SPMIP2: variants seen among roughly 807,000 people sequenced by gnomAD.
SPMIP2 encodes the protein sperm microtubule inner protein 2, also known as protein SPMIP2.
the SPMIP2 span, among the ~76,000 whole-genome samples, chr4:158,997,006 C>T: frequency 6.6e-6 from 1 of 152,094 alleles, no homozygotes; most frequent in African/African-American, 2.4e-5. Context: ...GAAGAGTGTG[C>T]TGGCCTCTGG....
the SPMIP2 span, among the ~76,000 whole-genome samples, chr4:159,004,593 G>A: frequency 6.6e-6 from 1 of 151,896 alleles, no homozygotes; most frequent in Non-Finnish European, 1.5e-5. Context: ...TTAGTTTTTT[G>A]TTAAATGTTA....
the SPMIP2 span, among the ~76,000 whole-genome samples, chr4:158,969,425 G>A: frequency 2.6e-5 from 4 of 152,008 alleles, no homozygotes; most frequent in African/African-American, 7.3e-5. Flanking sequence ...TCTTAAATCC[G>A]AGATGATGAA....
chr4:158,940,559 C>CTTTTTTTTTTTTTT, the SPMIP2 span, among the ~76,000 whole-genome samples: 1 of 135,128 alleles, frequency 7.4e-6, no homozygotes. Flanking sequence ...GTTGTTCCTT[C>CTTTTTTTTTTTTTT]TTTTTTTTTT....
the SPMIP2 span, chr4:159,035,262 C>T: frequency 6.8e-6 from 4 of 592,026 alleles, no homozygotes; most frequent in East Asian, 1.1e-4. Context: ...GAATGTTCCT[C>T]CTTGCAGAGT....
chr4:159,020,919 GC>G, the SPMIP2 span, among the ~76,000 whole-genome samples: 1 of 151,970 alleles, frequency 6.6e-6, no homozygotes, highest in African/African-American at 2.4e-5. Context: ...CCACCACCAC[GC>G]CCGGCTAATT....
the SPMIP2 span, among the ~76,000 whole-genome samples, chr4:158,971,684 A>G: frequency 6.6e-6 from 1 of 152,210 alleles, no homozygotes; most frequent in Non-Finnish European, 1.5e-5. Context: ...AGGGCTTGAT[A>G]CATGCTAGTT....
the SPMIP2 span, among the ~76,000 whole-genome samples, chr4:158,978,017 G>A: frequency 6.6e-6 from 1 of 152,166 alleles, no homozygotes; most frequent in East Asian, 1.9e-4. Flanking sequence ...ATGTTAGGGT[G>A]TTGTTTTAGA....
the SPMIP2 span, among the ~76,000 whole-genome samples, chr4:159,066,609 ATATATATATATAG>A: frequency 0.05 from 2,805 of 56,442 alleles, 93 homozygotes; most frequent in African/African-American, 0.12. Flanking sequence ...ATATATATAT[ATATATATATATAG>A]TATTAAAGGG....
At chr4:158,955,147 C>T in the SPMIP2 span, among the ~76,000 whole-genome samples, 1 of 151,388 alleles carries the variant, frequency 6.6e-6, no homozygotes, top group African/African-American at 2.4e-5. Context: ...ATTTAAAATA[C>T]ACACACACAC....
chr4:158,895,347 A>C, the SPMIP2 span, among the ~76,000 whole-genome samples: 1 of 152,204 alleles, frequency 6.6e-6, no homozygotes, highest in African/African-American at 2.4e-5. Context: ...ACAAAAATGC[A>C]ATTTGCTATG....
At chr4:158,991,624 T>C in the SPMIP2 span, among the ~76,000 whole-genome samples, 1 of 152,248 alleles carries the variant, frequency 6.6e-6, no homozygotes, top group African/African-American at 2.4e-5. Flanking sequence ...TTTCCCCTGA[T>C]GAAAACATCG....
the SPMIP2 span, among the ~76,000 whole-genome samples, chr4:159,068,699 TA>T: frequency 5.5e-5 from 8 of 146,338 alleles, no homozygotes; most frequent in South Asian, 2.2e-4. Context: ...AATAAAAAAA[TA>T]AAAAAAAGAA....
the SPMIP2 span, chr4:158,905,896 C>A: frequency 1.5e-4 from 23 of 152,174 alleles, no homozygotes; most frequent in Admixed American, 6.5e-5. Context: ...GGCTCTGATT[C>A]CCTTCCACTG....
chr4:159,068,221 T>C, the SPMIP2 span, among the ~76,000 whole-genome samples: 1 of 152,208 alleles, frequency 6.6e-6, no homozygotes, highest in Non-Finnish European at 1.5e-5. Context: ...ATATGTTTAT[T>C]GAGGCACTAT....
the SPMIP2 span, among the ~76,000 whole-genome samples, chr4:158,931,775 C>A: frequency 6.6e-6 from 1 of 152,102 alleles, no homozygotes; most frequent in Admixed American, 6.6e-5. Flanking sequence ...GTTGGCCAGG[C>A]TGGTCTCAAA....
chr4:159,074,272 A>T, the SPMIP2 span, among the ~76,000 whole-genome samples: 4 of 152,126 alleles, frequency 2.6e-5, no homozygotes, highest in Non-Finnish European at 4.4e-5. Flanking sequence ...TATACTATAG[A>T]TGCTGTATGC....
At chr4:158,949,771 G>A in the SPMIP2 span, among the ~76,000 whole-genome samples, 1 of 152,154 alleles carries the variant, frequency 6.6e-6, no homozygotes, top group South Asian at 2.1e-4. Flanking sequence ...CTGCATGCCT[G>A]TTGAATGTGG....
chr4:158,918,583 C>A, the SPMIP2 span, among the ~76,000 whole-genome samples: 423 of 150,594 alleles, frequency 2.8e-3, 3 homozygotes, highest in African/African-American at 0.01. Context: ...CTTTAGTCTT[C>A]ACTTAAGTGC....
At chr4:158,960,185 AAG>A in the SPMIP2 span, 3 of 698,122 alleles carry the variant, frequency 4.3e-6, no homozygotes, top group South Asian at 1.9e-5. Context: ...ATGAAATAAA[AAG>A]AAAGTGTTAA....
Sources: allele counts gnomAD v4.1 joint callset (sites outside exome capture counted in the v4.1 genomes callset), GRCh38; gene constraint gnomAD v4.1.1; transcripts MANE v1.5; gene names NCBI Gene and HGNC (gene_info 2026-07-23, HGNC 2026-07-21).